Variants in NUP153 observed in about 807,000 individuals in gnomAD.
NUP153 encodes the protein nucleoporin 153, also known as nuclear pore complex protein Nup153.
A neutral mutation model predicts 134.6 loss-of-function variants in NUP153; 27 were observed. The ratio of observed to expected loss-of-function variants is 0.20; its 90% CI spans 0.15 to 0.28. The LOEUF is 0.28. Ranked by LOEUF, NUP153 falls within the 10% of genes least tolerant of loss-of-function variation. The probability of loss-of-function intolerance (pLI) is 1.00; values close to 1 mark genes in which losing one functional copy is unlikely to be tolerated. For missense variants in NUP153, 1,821 were observed against 1,731.3 expected (o/e 1.05, Z -0.92); for synonymous variants, 640 against 623.5 (o/e 1.03, Z -0.40).
chr6:17,704,271 GAC>G (rs1770321736), intron 1 of NUP153, among the ~76,000 whole-genome samples: 1 of 148,234 alleles, frequency 6.7e-6, no homozygotes, highest in South Asian at 2.1e-4. Context: ...CAGCCTGGGT[GAC>G]AGAGCGAGAC....
At position 17,676,467 on chromosome 6, in the gene NUP153, C is replaced by T. The variant is rs545625742; in HGVS notation, c.335-697G>A. 4.6e-5 allele frequency among the ~76,000 whole-genome samples: 7 copies of T among 152,152 alleles called. No individual in the cohort carries two copies. In the East Asian group the frequency reaches 1.4e-3, roughly 29 times the overall value. On this transcript the variant is annotated intron_variant, in intron 2 of 21. Transcript: ENST00000262077. Reference sequence around the variant, plus strand: ...TAATGCGTGTTGAAGTTACTCCACCCCACCTTCCCGTTATTAAAATATTAA... The same window carrying T: ...TAATGCGTGTTGAAGTTACTCCACCTCACCTTCCCGTTATTAAAATATTAA...
At chr6:17,702,591 G>C (rs543123137) in intron 1 of NUP153, among the ~76,000 whole-genome samples, 1 of 152,036 alleles carries the variant, frequency 6.6e-6, no homozygotes, top group East Asian at 1.9e-4. Flanking sequence ...CAGGAGAATA[G>C]CTTGAACCCA....
intron 20 of NUP153, among the ~76,000 whole-genome samples, chr6:17,618,122 T>A (rs961635328): frequency 2.6e-5 from 4 of 152,174 alleles, no homozygotes; most frequent in Non-Finnish European, 4.4e-5. Context: ...TGCATCTTCT[T>A]TGGGGTATCT....
At chr6:17,678,399 A>C (rs1252789233) in intron 2 of NUP153, among the ~76,000 whole-genome samples, 1 of 150,342 alleles carries the variant, frequency 6.7e-6, no homozygotes, top group Non-Finnish European at 1.5e-5. Flanking sequence ...GGTTTGAAAA[A>C]CTGACATGTT....
chr6:17,706,218 C>T lies in NUP153; in HGVS notation c.111+59G>A, dbSNP rs991278977. The T allele has an allele frequency of 7.1e-7, 1 of 1,401,132 alleles. No individual in the cohort carries two copies. The highest frequency in any genetic ancestry group is 1.0e-6 in the Non-Finnish European group (1 of 990,854). 86.8% of individuals were successfully genotyped at this position (1,401,132 alleles called of 1,614,324 possible). On this transcript the variant is annotated intron_variant, in intron 1 of 21. Coordinates refer to ENST00000262077, the MANE Select transcript of NUP153 (RefSeq NM_005124.4). This position sits in a 1 kb window ranked among gnomAD's most constrained non-coding sequence, Gnocchi z 5.9. ...TGGGGCGCCGGGGCCTCGAACCGCC[C>T]GTCCCCTCCAGCCGAGTTTCCCCAC...
chr6:17,674,051 T>A (rs1213428548), intron 5 of NUP153, among the ~76,000 whole-genome samples: 1 of 152,226 alleles, frequency 6.6e-6, no homozygotes. Flanking sequence ...AAATGCATTA[T>A]GCTAAGTAGA....
chr6:17,641,517 G>C (rs1217146897), intron 14 of NUP153, among the ~76,000 whole-genome samples: 3 of 152,044 alleles, frequency 2.0e-5, no homozygotes, highest in Non-Finnish European at 4.4e-5. Context: ...CCTGGTGACA[G>C]AGCGAGACTC....
intron 11 of NUP153, among the ~76,000 whole-genome samples, chr6:17,653,648 T>C (rs1037408717): frequency 1.4e-4 from 22 of 152,168 alleles, no homozygotes; most frequent in African/African-American, 4.6e-4. Context: ...AAAGGATACA[T>C]AGTGAGTAAC....
chr6:17,655,245 A>G (rs1050179117), intron 11 of NUP153, among the ~76,000 whole-genome samples: 1 of 152,186 alleles, frequency 6.6e-6, no homozygotes, highest in Non-Finnish European at 1.5e-5. Flanking sequence ...GAAAGGTAAA[A>G]GATCATTCCA....
Position 17,631,696 on chromosome 6 carries a change from T to G in NUP153, c.2659+954A>C, listed in dbSNP as rs572026279. Among the ~76,000 whole-genome samples, 7 of 152,026 alleles carry G rather than the reference T, an allele frequency of 4.6e-5. No homozygotes were observed. In the South Asian group the frequency reaches 1.0e-3, roughly 23 times the overall value. ...AAATCTGGCCTCCAGACCAGGCGTGTTGGCTCACGCCTGTAATCCCAGCAC... is the reference window on the plus strand; with the variant it reads ...AAATCTGGCCTCCAGACCAGGCGTGGTGGCTCACGCCTGTAATCCCAGCAC... On this transcript the variant is annotated intron_variant, in intron 17 of 21. Transcript: ENST00000262077.
intron 13 of NUP153, among the ~76,000 whole-genome samples, chr6:17,646,918 C>CTTGT (rs1766219691): frequency 7.6e-6 from 1 of 131,116 alleles, no homozygotes; most frequent in Non-Finnish European, 1.6e-5. Context: ...TCTGTATTTT[C>CTTGT]TTTTTTTTTT....
chr6:17,705,961 C>T (rs1770460342), intron 1 of NUP153, among the ~76,000 whole-genome samples: 2 of 152,158 alleles, frequency 1.3e-5, no homozygotes, highest in Admixed American at 1.3e-4. Flanking sequence ...TCCAAATCCC[C>T]GCCAAAAAAT....
intron 17 of NUP153, among the ~76,000 whole-genome samples, chr6:17,630,097 G>T (rs910788056): frequency 1.3e-5 from 2 of 152,130 alleles, no homozygotes; most frequent in African/African-American, 4.8e-5. Flanking sequence ...TTTCTAACAA[G>T]GTAAAAGGAA....
chr6:17,665,508 G>C (rs1241059219), intron 8 of NUP153, 123 bp from the exon 9 acceptor site: 6 of 701,572 alleles, frequency 8.6e-6, no homozygotes, highest in South Asian at 2.0e-5. Flanking sequence ...ATATACAGTA[G>C]ATACAAACAA....
At chr6:17,630,736 G>A (rs1581672467) in intron 17 of NUP153, among the ~76,000 whole-genome samples, 1 of 144,458 alleles carries the variant, frequency 6.9e-6, no homozygotes. Flanking sequence ...CAAGAGGGGA[G>A]AGGGGAGGGG....
At chr6:17,658,766 C>A (rs1190873587) in intron 11 of NUP153, among the ~76,000 whole-genome samples, 1 of 152,148 alleles carries the variant, frequency 6.6e-6, no homozygotes, top group East Asian at 1.9e-4. Flanking sequence ...CAAACCATTT[C>A]TCAGATTGAG....
Position 17,637,725 on chromosome 6 carries a change from G to C in NUP153, c.1892C>G (p.Ala631Gly), listed in dbSNP as rs201974266. 5.7e-5 allele frequency: 91 copies of C among 1,606,024 alleles called. 1 individual carries two copies. The highest frequency in any genetic ancestry group is 8.3e-5 in the Admixed American group (5 of 59,984). Residue 631 changes from alanine (A) to glycine (G), a missense_variant, in exon 16 of 22, where the codon GCA becomes GGA. Coordinates refer to ENST00000262077, the MANE Select transcript of NUP153 (RefSeq NM_005124.4). ...TCTTGTATAAACTACTGGGCTTGTT[G>C]CGGTGGGCTGAGCAGCAACAGAATC... ...KIDSVAAQPT[A>G]TSPVVYTRPA...
In NUP153 at chr6:17,639,691, A is replaced by G. The variant is rs542917720; in HGVS notation, c.1846+248T>C. 1.4e-4 allele frequency among the ~76,000 whole-genome samples: 21 copies of G among 152,324 alleles called. No homozygotes were observed. The East Asian group carries it at 3.3e-3, about 24-fold the overall frequency. Reference sequence around the variant, plus strand: ...ACTTACTCTTATTCCTCACTGACCTACCTCTATTAATGGAGAATCCATTTC... The same window carrying G: ...ACTTACTCTTATTCCTCACTGACCTGCCTCTATTAATGGAGAATCCATTTC... On this transcript the variant is annotated intron_variant, in intron 15 of 21. Coordinates refer to ENST00000262077, the MANE Select transcript of NUP153 (RefSeq NM_005124.4).
intron 1 of NUP153, among the ~76,000 whole-genome samples, chr6:17,705,372 T>C (rs368618308): frequency 3.2e-4 from 49 of 152,326 alleles, no homozygotes; most frequent in Admixed American, 7.2e-4. Context: ...ACAATTAGGA[T>C]AATCCTTTTT....
Sources: allele counts gnomAD v4.1 joint callset (sites outside exome capture counted in the v4.1 genomes callset), GRCh38; gene constraint gnomAD v4.1.1; non-coding constraint Gnocchi (gnomAD v3.1); transcripts MANE v1.5; gene names NCBI Gene and HGNC (gene_info 2026-07-23, HGNC 2026-07-21).